Variants in PTPRQ observed in about 807,000 individuals in gnomAD.
The protein encoded by PTPRQ is protein tyrosine phosphatase receptor type Q, also known as phosphatidylinositol phosphatase PTPRQ.
In PTPRQ, 199 loss-of-function variants were observed where a neutral mutation model predicts 246.0. The observed-to-expected ratio is 0.81, with a 90% confidence interval of 0.72 to 0.91. PTPRQ has a LOEUF of 0.91. Ranked by LOEUF, PTPRQ falls within the 40% of genes least tolerant of loss-of-function variation. PTPRQ has a pLI of 0.00. For missense variants in PTPRQ, 2,624 were observed against 2,528.4 expected (o/e 1.04, Z -0.81); for synonymous variants, 869 against 853.2 (o/e 1.02, Z -0.32).
chr12:80,614,896 A>G (rs573368379), intron 29 of PTPRQ, among the ~76,000 whole-genome samples: 1 of 151,130 alleles, frequency 6.6e-6, no homozygotes, highest in Admixed American at 6.6e-5. Flanking sequence ...AAGAGAGAAA[A>G]TAGGAACCAA....
chr12:80,593,712 T>G (rs1897877600), intron 26 of PTPRQ: 1 of 152,192 alleles, frequency 6.6e-6, no homozygotes, highest in African/African-American at 2.4e-5. Flanking sequence ...TCATCTATTT[T>G]TCTGATTATC....
intron 25 of PTPRQ, among the ~76,000 whole-genome samples, chr12:80,558,143 C>CTTTTCTTTTCT (rs1565785547): frequency 2.1e-4 from 23 of 108,986 alleles, no homozygotes; most frequent in African/African-American, 8.8e-4. Context: ...CTTTTCTTTT[C>CTTTTCTTTTCT]TTTTCTTTTC....
At chr12:80,670,585 T>A (rs1900939071) in intron 42 of PTPRQ, 93 bp downstream of exon 42, 1 of 1,391,748 alleles carries the variant, frequency 7.2e-7, no homozygotes, top group Admixed American at 3.5e-5. Flanking sequence ...TCATGTAAAT[T>A]TCTTCCAGCT....
intron 5 of PTPRQ, 126 bp downstream of exon 5, chr12:80,459,609 A>G (rs564658260): frequency 2.5e-6 from 1 of 395,788 alleles, no homozygotes; most frequent in South Asian, 1.4e-4. Flanking sequence ...TTATGGTATC[A>G]TGTTATACAC....
intron 26 of PTPRQ, among the ~76,000 whole-genome samples, chr12:80,595,276 A>G (rs1897931722): frequency 6.6e-6 from 1 of 152,106 alleles, no homozygotes; most frequent in Admixed American, 6.6e-5. Context: ...TTAAAAGCAT[A>G]AATAGCCAGC....
chr12:80,513,608 G>A (rs1268296396), intron 17 of PTPRQ, among the ~76,000 whole-genome samples: 1 of 152,052 alleles, frequency 6.6e-6, no homozygotes, highest in Non-Finnish European at 1.5e-5. Context: ...AGGTCCCTGG[G>A]CACAAACAAG....
chr12:80,484,764 A>G (rs1049202014), intron 9 of PTPRQ, among the ~76,000 whole-genome samples, 159 bp downstream of exon 9: 55 of 152,102 alleles, frequency 3.6e-4, no homozygotes, highest in Non-Finnish European at 1.2e-4. Context: ...GCTAGATCAT[A>G]TTTCATTTTA....
intron 26 of PTPRQ, among the ~76,000 whole-genome samples, chr12:80,603,595 G>A (rs1057196378): frequency 3.3e-5 from 5 of 151,436 alleles, no homozygotes; most frequent in Non-Finnish European, 5.9e-5. Context: ...CTCCTTCCTA[G>A]AGTAATTTAT....
chr12:80,610,325 A>T (rs1898501465), intron 27 of PTPRQ, 114 bp from the exon 28 acceptor site: 8 of 827,098 alleles, frequency 9.7e-6, no homozygotes, highest in Non-Finnish European at 1.3e-5. Flanking sequence ...TTGTAAAATA[A>T]ATAAATACAA....
chr12:80,483,792 T>C (rs1464179075), intron 8 of PTPRQ, among the ~76,000 whole-genome samples: 2 of 151,674 alleles, frequency 1.3e-5, no homozygotes, highest in Non-Finnish European at 2.9e-5. Context: ...TGTCCATGTG[T>C]TCTCATTGTT....
chr12:80,511,194 A>G (rs1310208308), intron 17 of PTPRQ, among the ~76,000 whole-genome samples: 1 of 152,110 alleles, frequency 6.6e-6, no homozygotes, highest in African/African-American at 2.4e-5. Context: ...GGGAGATGCC[A>G]TGATGTTTTA....
chr12:80,451,119 G>T (rs1400320135), intron 3 of PTPRQ, among the ~76,000 whole-genome samples: 1 of 152,206 alleles, frequency 6.6e-6, no homozygotes, highest in Non-Finnish European at 1.5e-5. Flanking sequence ...GGGTGTATGT[G>T]TCGAGGAATT....
Position 80,613,476 on chromosome 12 carries a change from A to G in PTPRQ, c.4919-116A>G, listed in dbSNP as rs1043910000. On this transcript the variant is annotated intron_variant, in intron 28 of 44. Coordinates refer to ENST00000644991, the MANE Select transcript of PTPRQ (RefSeq NM_001145026.2). Reference sequence around the variant, plus strand: ...CATTTTGCTAGTTTTTGCAGTTTATATGGTTTAATTTGTGGAATACTCTTT... The same window carrying G: ...CATTTTGCTAGTTTTTGCAGTTTATGTGGTTTAATTTGTGGAATACTCTTT... 7.3e-6 allele frequency: 8 copies of G among 1,093,576 alleles called. No homozygotes were observed. In the South Asian group the frequency reaches 1.3e-4, roughly 18 times the overall value. The allele number at this position is 1,093,576 out of a possible 1,614,324, so 67.7% of individuals were successfully genotyped here.
chr12:80,652,327 A>G (rs532384862), intron 37 of PTPRQ, among the ~76,000 whole-genome samples: 1 of 152,232 alleles, frequency 6.6e-6, no homozygotes, highest in Admixed American at 6.5e-5. Flanking sequence ...TGTTGTACCA[A>G]TTAATAGGCA....
At chr12:80,634,813 C>T (rs1899579749) in intron 34 of PTPRQ, 132 bp from the exon 35 acceptor site, 2 of 1,313,876 alleles carry the variant, frequency 1.5e-6, no homozygotes, top group South Asian at 3.5e-5. Flanking sequence ...TATAAATTTG[C>T]AACATATTCA....
At chr12:80,501,656 C>T (rs1456069625) in intron 14 of PTPRQ, among the ~76,000 whole-genome samples, 1 of 151,892 alleles carries the variant, frequency 6.6e-6, no homozygotes, top group African/African-American at 2.4e-5. Context: ...GGCAATACCA[C>T]ACATAGACTT....
intron 27 of PTPRQ, among the ~76,000 whole-genome samples, chr12:80,609,010 G>A (rs1056920764): frequency 2.0e-5 from 3 of 150,488 alleles, no homozygotes; most frequent in South Asian, 4.2e-4. Context: ...GGATTTCTAC[G>A]CTGATTTGTT....
At chr12:80,569,129 C>CTTT (rs778431539) in intron 25 of PTPRQ, among the ~76,000 whole-genome samples, 1 of 97,604 alleles carries the variant, frequency 1.0e-5, no homozygotes, top group Non-Finnish European at 2.2e-5. Context: ...GGATACAATT[C>CTTT]TTTTTTTTTT....
chr12:80,615,672 A>G (rs1314560169), intron 29 of PTPRQ, among the ~76,000 whole-genome samples: 1 of 151,106 alleles, frequency 6.6e-6, no homozygotes, highest in Non-Finnish European at 1.5e-5. Context: ...GGAATGATTT[A>G]ATACAGGAAA....
Sources: allele counts gnomAD v4.1 joint callset (sites outside exome capture counted in the v4.1 genomes callset), GRCh38; gene constraint gnomAD v4.1.1; transcripts MANE v1.5; gene names NCBI Gene and HGNC (gene_info 2026-07-23, HGNC 2026-07-21).